STARD5: variants seen among roughly 807,000 people sequenced by gnomAD.
The protein encoded by STARD5 is stAR-related lipid transfer protein 5.
Under a neutral mutation model 24.6 loss-of-function variants are expected in STARD5, and 26 were observed. That is an observed-to-expected ratio of 1.06 (90% CI 0.77 to 1.47). The LOEUF is 1.47. Ranked by LOEUF, STARD5 falls within the 40% of genes most tolerant of loss-of-function variation. The probability of loss-of-function intolerance (pLI) is 0.00; values close to 1 mark genes in which losing one functional copy is unlikely to be tolerated. For missense variants in STARD5, 254 were observed against 270.8 expected, an observed-to-expected ratio of 0.94 and a Z score of 0.44; for synonymous variants, 101 against 99.7, an observed-to-expected ratio of 1.01 and a Z score of -0.07.
chr15:81,319,539 A>G, intron 3 of STARD5, 83 bp from the exon 4 acceptor site: 1 of 1,241,702 alleles, frequency 8.1e-7, no homozygotes, highest in Non-Finnish European at 1.2e-6. Context: ...AAGGTCTGGG[A>G]AAGGTACTAG....
chr15:81,318,540 C>T (rs1360865318), intron 4 of STARD5, 38 bp from the exon 5 acceptor site: 1 of 1,583,824 alleles, frequency 6.3e-7, no homozygotes, highest in Non-Finnish European at 8.7e-7. Context: ...GTTACAACTT[C>T]AGACGGTCAG....
At position 81,313,109 on chromosome 15, in the gene STARD5, G is replaced by C. The variant is rs1900950161; in HGVS notation, c.*147C>G. ...GCAGGAAGGGTGGGCTGCCGCCTCT[G>C]GTTGGCATTCTCAGAGATGCGCAGT... is the stretch of plus-strand genomic sequence containing the variant. On this transcript the variant is annotated 3_prime_UTR_variant, in exon 6 of 6. Coordinates refer to ENST00000302824, the MANE Select transcript of STARD5 (RefSeq NM_181900.3). The C allele has an allele frequency of 6.1e-6, 6 of 983,842 alleles. No homozygotes were observed. The highest frequency in any genetic ancestry group is 8.4e-6 in the Non-Finnish European group (6 of 717,492). 60.9% of individuals were successfully genotyped at this position (983,842 alleles called of 1,614,324 possible).
At chr15:81,319,705 C>T (rs1326083423) in intron 3 of STARD5, among the ~76,000 whole-genome samples, 1 of 152,238 alleles carries the variant, frequency 6.6e-6, no homozygotes, top group Non-Finnish European at 1.5e-5. Context: ...GCTGAGGTCA[C>T]GTCTCATGTG....
In STARD5 at chr15:81,319,337, A is replaced by T; in HGVS notation, c.400+2T>A. ...ATGGCAGCTCCTCCGGGCATCACTC[A>T]CCGTTGGAACTGATGGTCCCATCCT... On this transcript the variant is annotated splice_donor_variant, in intron 4 of 5. Coordinates refer to ENST00000302824, the MANE Select transcript of STARD5 (RefSeq NM_181900.3). LOFTEE classifies it high-confidence loss of function. The T allele has an allele frequency of 1.2e-6, 2 of 1,609,794 alleles. No homozygotes were observed. Among genetic ancestry groups the T allele is most frequent in the East Asian group, 4.5e-5 (2 of 44,862 alleles).
At chr15:81,322,329 C>T in intron 3 of STARD5, 79 bp downstream of exon 3, 2 of 1,579,608 alleles carry the variant, frequency 1.3e-6, no homozygotes, top group Non-Finnish European at 8.7e-7. Flanking sequence ...ATCACGGACC[C>T]CTTCCAGAAG....
At chr15:81,314,922 CACTCTT>C (rs970247624) in intron 5 of STARD5, among the ~76,000 whole-genome samples, 2 of 137,368 alleles carry the variant, frequency 1.5e-5, no homozygotes, top group Non-Finnish European at 3.2e-5. Context: ...AAAAGAATCT[CACTCTT>C]CAAGTCATAC....
At chr15:81,318,593 C>T in intron 4 of STARD5, 91 bp from the exon 5 acceptor site, 1 of 1,148,004 alleles carries the variant, frequency 8.7e-7, no homozygotes, top group Non-Finnish European at 1.3e-6. Flanking sequence ...GACCAGACTA[C>T]CTGCAGCCCT....
Position 81,311,642 on chromosome 15 carries a change from T to C in STARD5, c.*1614A>G, listed in dbSNP as rs1173221609. ...TTGATAAGACCACCACCTCAGAGTA[T>C]GGAGCTCAGAGAGGGCAGGCATGAA... is the stretch of plus-strand genomic sequence containing the variant. On this transcript the variant is annotated 3_prime_UTR_variant, in exon 6 of 6. Coordinates refer to ENST00000302824, the MANE Select transcript of STARD5 (RefSeq NM_181900.3). 6.6e-6 allele frequency: 1 copy of C among 152,218 alleles called. No individual in the cohort carries two copies. The highest frequency in any genetic ancestry group is 1.5e-5 in the Non-Finnish European group (1 of 68,064). The allele number at this position is 152,218 out of a possible 1,614,324, so 9.4% of individuals were successfully genotyped here. A position where few individuals can be genotyped will look rare whatever the true frequency, so the allele number is the denominator to read the frequency against.
chr15:81,323,935 G>A (rs936654732), intron 1 of STARD5, 66 bp downstream of exon 1: 8 of 1,508,820 alleles, frequency 5.3e-6, no homozygotes, highest in Middle Eastern at 1.7e-4. Flanking sequence ...GCGCTTGGGG[G>A]CTTCTGGGGA....
intron 1 of STARD5, chr15:81,323,667 T>A: frequency 8.9e-7 from 1 of 1,121,246 alleles, no homozygotes; most frequent in Non-Finnish European, 1.3e-6. Flanking sequence ...TTTTGTTTTG[T>A]TTTTAAACAC....
At position 81,317,337 on chromosome 15, in the gene STARD5, T is replaced by C. The variant is rs375633760; in HGVS notation, c.494+1072A>G. On this transcript the variant is annotated intron_variant, in intron 5 of 5. Transcript: ENST00000302824. Reference sequence around the variant, plus strand: ...GAAGGAAGGACTCTGCCTCTTATTCTGAAAATTCCTCTCTGTCAGACCCGG... The same window carrying C: ...GAAGGAAGGACTCTGCCTCTTATTCCGAAAATTCCTCTCTGTCAGACCCGG... Among the ~76,000 whole-genome samples, 7 of 152,264 alleles carry C rather than the reference T, an allele frequency of 4.6e-5. No homozygotes were observed. In the East Asian group the frequency reaches 1.4e-3, roughly 29 times the overall value.
At chr15:81,319,055 A>C (rs1239304787) in intron 4 of STARD5, among the ~76,000 whole-genome samples, 1 of 151,984 alleles carries the variant, frequency 6.6e-6, no homozygotes. Flanking sequence ...CCACCCAACT[A>C]ACCCACATGT....
chr15:81,314,583 T>C (rs1286537121), intron 5 of STARD5, among the ~76,000 whole-genome samples: 1 of 152,010 alleles, frequency 6.6e-6, no homozygotes, highest in Admixed American at 6.5e-5. Context: ...CTGGAGACCT[T>C]TTAGAATCCC....
chr15:81,322,583 C>T (rs1256514846), intron 2 of STARD5, 43 bp from the exon 3 acceptor site: 1 of 1,613,186 alleles, frequency 6.2e-7, no homozygotes, highest in Non-Finnish European at 8.5e-7. Context: ...ATCAATCAAA[C>T]TTGTTATCTT....
At chr15:81,314,895 A>AG in intron 5 of STARD5, among the ~76,000 whole-genome samples, 1 of 111,632 alleles carries the variant, frequency 9.0e-6, no homozygotes, top group Non-Finnish European at 1.6e-5. Context: ...TCAAAAAAGA[A>AG]AAAAAAAAAA....
rs1187617186 is a variant in STARD5 at position 81,310,029 on chromosome 15, G to A, written c.*3227C>T. On this transcript the variant is annotated 3_prime_UTR_variant, in exon 6 of 6. Coordinates refer to ENST00000302824, the MANE Select transcript of STARD5 (RefSeq NM_181900.3). Reference sequence around the variant, plus strand: ...GAGTGCCTGGCCAAAGGGATATTTGGTTTGGCCATCTCTGGATGCCTGATT... The same window carrying A: ...GAGTGCCTGGCCAAAGGGATATTTGATTTGGCCATCTCTGGATGCCTGATT... The A allele has an allele frequency of 6.6e-6, 1 of 152,202 alleles. No individual in the cohort carries two copies. The highest frequency in any genetic ancestry group is 1.9e-4 in the East Asian group (1 of 5,190). The allele number at this position is 152,202 out of a possible 1,614,324, so 9.4% of individuals were successfully genotyped here. A position where few individuals can be genotyped will look rare whatever the true frequency, so the allele number is the denominator to read the frequency against.
At chr15:81,317,866 C>A (rs554744435) in intron 5 of STARD5, among the ~76,000 whole-genome samples, 1 of 152,296 alleles carries the variant, frequency 6.6e-6, no homozygotes, top group Non-Finnish European at 1.5e-5. Context: ...CAGAGAGTCC[C>A]CGGGGTCAAT....
At chr15:81,314,774 T>A (rs1013447185) in intron 5 of STARD5, among the ~76,000 whole-genome samples, 1 of 150,686 alleles carries the variant, frequency 6.6e-6, no homozygotes, top group Non-Finnish European at 1.5e-5. Context: ...TAATCCCAGC[T>A]ACTCAGGAGG....
rs1596071580 is a variant in STARD5, at chr15:81,319,531, G to T, written c.283-75C>A. On this transcript the variant is annotated intron_variant, in intron 3 of 5. Coordinates refer to ENST00000302824, the MANE Select transcript of STARD5 (RefSeq NM_181900.3). ...TCCCAACTCCCACCCCATCCCTCAA[G>T]GTCTGGGAAAGGTACTAGGGCTGAC... 3.0e-6 allele frequency: 4 copies of T among 1,347,996 alleles called. No individual in the cohort carries two copies. In the East Asian group the frequency reaches 9.2e-5, roughly 31 times the overall value. The allele number at this position is 1,347,996 out of a possible 1,614,324, so 83.5% of individuals were successfully genotyped here. A position where few individuals can be genotyped will look rare whatever the true frequency, so the allele number is the denominator to read the frequency against.
Sources: gnomAD v4.1 joint callset for allele counts (sites outside exome capture counted in the v4.1 genomes callset) on GRCh38, gnomAD v4.1.1 for gene constraint, MANE v1.5 for transcripts, NCBI Gene and HGNC (gene_info 2026-07-23, HGNC 2026-07-21) for gene names.